ALDH3A1: variants seen among roughly 807,000 people sequenced by gnomAD.
ALDH3A1 encodes the protein aldehyde dehydrogenase 3 family member A1.
In ALDH3A1, 46 loss-of-function variants were observed where a neutral mutation model predicts 49.9. The ratio of observed to expected loss-of-function variants is 0.92; its 90% CI spans 0.73 to 1.18. The LOEUF (loss-of-function observed/expected upper bound fraction) is 1.18, where lower values mean the gene tolerates loss of function less well. Among genes scored for constraint, ALDH3A1 ranks in the 50% most tolerant of loss-of-function variants. The pLI is 0.00. For missense variants in ALDH3A1, 592 were observed against 611.8 expected (o/e 0.97, Z 0.34); for synonymous variants, 269 against 253.3 (o/e 1.06, Z -0.59).
chr17:19,742,070 G>A lies in ALDH3A1; in HGVS notation c.623C>T (p.Thr208Met), dbSNP rs545679214. ...TAAAKHLTPV[T>M]LELGGKSPCY... ...GGGACTCTTCCCTCCCAGCTCCAGCGTGACAGGGGTCAGGTGCTTGGCAGC... is the reference window on the plus strand; with the variant it reads ...GGGACTCTTCCCTCCCAGCTCCAGCATGACAGGGGTCAGGTGCTTGGCAGC... Residue 208 changes from threonine (T) to methionine (M), a missense_variant, in exon 5 of 11, where the codon ACG becomes ATG. Coordinates refer to ENST00000225740, the MANE Select transcript of ALDH3A1 (RefSeq NM_000691.5). 1.4e-5 allele frequency: 22 copies of A among 1,614,022 alleles called. No individual in the cohort carries two copies. Among genetic ancestry groups the A allele is most frequent in the Admixed American group, 3.3e-5 (2 of 60,022 alleles).
rs1256677234 is a variant in ALDH3A1 at position 19,742,207 on chromosome 17, C to A, written c.486G>T (p.Leu162=). 6.2e-7 allele frequency: 1 copy of A among 1,613,878 alleles called. No homozygotes were observed. The highest frequency in any genetic ancestry group is 2.2e-5 in the East Asian group (1 of 44,868). The change falls in exon 5 of 11, where the codon CTG becomes CTT. Residue 162 remains leucine (L), a synonymous_variant. Transcript: ENST00000225740. The stretch of plus-strand genomic sequence containing the variant: ...GGACACCCCCATTGATTACTGGGTA[C>A]AGATCCTTCCATGCAAGGAGAGAGG... The part of the protein sequence containing the change: ...TIIPQYLDKD[L]YPVINGGVPE...
In ALDH3A1 at chr17:19,737,997, A is replaced by G. The variant is rs2152372484; in HGVS notation, c.*224T>C. 2.0e-6 allele frequency: 3 copies of G among 1,469,840 alleles called. No individual in the cohort carries two copies. The East Asian group carries it at 7.5e-5, about 37-fold the overall frequency. The allele number at this position is 1,469,840 out of a possible 1,614,324, so 91.0% of individuals were successfully genotyped here. A position where few individuals can be genotyped will look rare whatever the true frequency, so the allele number is the denominator to read the frequency against. ...CATATGCCTGCATTTGCTGAGTTAG[A>G]AAATTGTATTCGTCTCTTTATTGGT... On this transcript the variant is annotated 3_prime_UTR_variant, in exon 11 of 11. Transcript: ENST00000225740.
At chr17:19,744,735 G>C (rs2086565157) in intron 2 of ALDH3A1, 2 of 1,357,128 alleles carry the variant, frequency 1.5e-6, no homozygotes, top group African/African-American at 3.1e-5. Context: ...GGGACGCTGC[G>C]GGCGGGACGC....
At chr17:19,739,433 A>G (rs1425994798) in intron 8 of ALDH3A1, 75 bp downstream of exon 8, 1 of 1,502,374 alleles carries the variant, frequency 6.7e-7, no homozygotes, top group East Asian at 2.4e-5. Flanking sequence ...GCCAGAGAAC[A>G]GTGAAGCTGC....
chr17:19,739,119 C>T (rs372701645), intron 8 of ALDH3A1, 24 bp from the exon 9 acceptor site: 140 of 1,600,902 alleles, frequency 8.7e-5, no homozygotes, highest in Non-Finnish European at 1.1e-4. Context: ...CAGCCACTGG[C>T]CTCAGTCTCC....
intron 7 of ALDH3A1, 46 bp from the exon 8 acceptor site, chr17:19,739,720 C>A (rs377491348): frequency 6.3e-7 from 1 of 1,599,700 alleles, no homozygotes; most frequent in Non-Finnish European, 8.5e-7. Context: ...GAGACCCCCA[C>A]GCGGATGGAA....
chr17:19,745,111 C>CCT lies in ALDH3A1; in HGVS notation c.17_18dup (p.Ala7ArgfsTer3). The CCT allele has an allele frequency of 6.3e-7, 1 of 1,583,382 alleles. No individual in the cohort carries two copies. Among genetic ancestry groups the CCT allele is most frequent in the South Asian group, 1.1e-5 (1 of 89,844 alleles). On this transcript the variant is annotated frameshift_variant, in exon 2 of 11. Transcript: ENST00000225740. LOFTEE classifies it high-confidence loss of function. ...AAGGCGGCGCGGGCGCGCTTCACGG[C>CCT]CTCGCTGATCTTGCTCATGGCGCCT... is the stretch of plus-strand genomic sequence containing the variant.
chr17:19,739,001 C>A lies in ALDH3A1; in HGVS notation c.1211G>T (p.Gly404Val). The stretch of plus-strand genomic sequence containing the variant: ...AAGCTCAGCCCCAGACTCACCCACG[C>A]CCCCGAAGGGCAGAGAGTGCAAGGT... ...HITLHSLPFG[G>V]VGNSGMGSYH... The change falls in exon 9 of 11, where the codon GGC becomes GTC. Residue 404 changes from glycine to valine, a missense_variant. By Grantham distance (109) the Gly-to-Val change is moderately radical. Transcript: ENST00000225740. 1 of 1,613,094 alleles carries A rather than the reference C, an allele frequency of 6.2e-7. No homozygotes were observed. Among genetic ancestry groups the A allele is most frequent in the Non-Finnish European group, 8.5e-7 (1 of 1,179,830 alleles).
chr17:19,743,608 G>A lies in ALDH3A1; in HGVS notation c.163-145C>T, dbSNP rs1218915587. ...GGGGCAGCCGCAGAAGGCTCCCAGG[G>A]GAAGCAGAGCCAGGATTAGCCGTTG... On this transcript the variant is annotated intron_variant, in intron 2 of 10. Transcript: ENST00000225740. The surrounding 1 kb of genome is among the most constrained non-coding windows in gnomAD (Gnocchi z 4.4). 5.6e-6 allele frequency: 8 copies of A among 1,440,576 alleles called. No homozygotes were observed. The highest frequency in any genetic ancestry group is 1.5e-5 in the South Asian group (1 of 68,438). 89.2% of individuals were successfully genotyped at this position (1,440,576 alleles called of 1,614,324 possible).
At chr17:19,742,767 A>C (rs1409396912) in intron 3 of ALDH3A1, 137 bp from the exon 4 acceptor site, 1 of 1,544,252 alleles carries the variant, frequency 6.5e-7, no homozygotes, top group South Asian at 1.2e-5. Flanking sequence ...GCAAACAAGC[A>C]CATGTCACGG....
chr17:19,745,730 T>TG (rs2086587212), intron 1 of ALDH3A1: 1 of 151,970 alleles, frequency 6.6e-6, no homozygotes, highest in African/African-American at 2.4e-5. Context: ...CACAAAGAGG[T>TG]GTGGAGGCGA....
At chr17:19,745,399 C>T (rs999220597) in intron 1 of ALDH3A1, 6 of 457,258 alleles carry the variant, frequency 1.3e-5, no homozygotes, top group African/African-American at 6.2e-5. Context: ...CTCTTGGCAG[C>T]GTGCTCGCGG....
At chr17:19,746,700 C>G (rs1035106395) in intron 1 of ALDH3A1, among the ~76,000 whole-genome samples, 1 of 144,504 alleles carries the variant, frequency 6.9e-6, no homozygotes, top group Admixed American at 6.9e-5. Context: ...TGTGTGCGTG[C>G]GTGTGTGTGC....
rs766341383 is a variant in ALDH3A1, at chr17:19,743,410, C to T, written c.216G>A (p.Glu72=). 2.5e-6 allele frequency: 4 copies of T among 1,614,008 alleles called. No individual in the cohort carries two copies. The highest frequency in any genetic ancestry group is 1.7e-6 in the Non-Finnish European group (2 of 1,179,970). The stretch of plus-strand genomic sequence containing the variant: ...ACTCAGGGAGCTTCTGGATCATGTA[C>T]TCGATCTCCTCTAGGACGTACACCA... ...EEVVYVLEEI[E]YMIQKLPEWA... Residue 72 remains glutamate, a synonymous_variant, in exon 3 of 11, where the codon GAG becomes GAA. Coordinates refer to ENST00000225740, the MANE Select transcript of ALDH3A1 (RefSeq NM_000691.5). This position sits in a 1 kb window ranked among gnomAD's most constrained non-coding sequence, Gnocchi z 4.4.
chr17:19,745,155 C>G, intron 1 of ALDH3A1, 21 bp from the exon 2 acceptor site: 1 of 1,549,294 alleles, frequency 6.5e-7, no homozygotes, highest in Non-Finnish European at 8.7e-7. Flanking sequence ...AGAGCACCTG[C>G]AGCTGGCTGA....
Position 19,743,814 on chromosome 17 carries a change from G to T in ALDH3A1, c.163-351C>A. 4.5e-6 allele frequency: 2 copies of T among 440,626 alleles called. No individual in the cohort carries two copies. The highest frequency in any genetic ancestry group is 1.2e-3 in the Middle Eastern group (1 of 826). The allele number at this position is 440,626 out of a possible 1,614,324, so 27.3% of individuals were successfully genotyped here. A position where few individuals can be genotyped will look rare whatever the true frequency, so the allele number is the denominator to read the frequency against. Reference sequence around the variant, plus strand: ...GTGGGAATGGATCCGGGGAGGGGGGGATGGATCCGGGGAGGGGGGATAGAT... The same window carrying T: ...GTGGGAATGGATCCGGGGAGGGGGGTATGGATCCGGGGAGGGGGGATAGAT... On this transcript the variant is annotated intron_variant, in intron 2 of 10. Transcript: ENST00000225740. This position sits in a 1 kb window ranked among gnomAD's most constrained non-coding sequence, Gnocchi z 4.4.
intron 1 of ALDH3A1, among the ~76,000 whole-genome samples, chr17:19,745,967 C>A (rs866227321): frequency 6.6e-6 from 1 of 152,198 alleles, no homozygotes; most frequent in African/African-American, 2.4e-5. Flanking sequence ...TTAAATGACT[C>A]CTGTCACACC....
Position 19,742,604 on chromosome 17 carries a change from C to A in ALDH3A1, c.421G>T (p.Glu141Ter), listed in dbSNP as rs766865186. 6.2e-7 allele frequency: 1 copy of A among 1,614,042 alleles called. No homozygotes were observed. Among genetic ancestry groups the A allele is most frequent in the South Asian group, 1.1e-5 (1 of 91,078 alleles). Residue 141 changes from glutamate (E) to a stop codon, truncating the protein, a stop_gained, in exon 4 of 11, where the codon GAG becomes TAG. Coordinates refer to ENST00000225740, the MANE Select transcript of ALDH3A1 (RefSeq NM_000691.5). LOFTEE classifies it high-confidence loss of function. ...AGGCTCGCCATGTTCTCACTCAGCT[C>A]CGAGGGCTTGAGGACCACTGAGTTC... The part of the protein sequence containing the change: ...AGNSVVLKPS[E>*]LSENMASLLA...
chr17:19,744,867 C>T, intron 2 of ALDH3A1, 101 bp downstream of exon 2: 1 of 1,385,278 alleles, frequency 7.2e-7, no homozygotes, highest in Non-Finnish European at 9.4e-7. Context: ...GGCCCCAAGT[C>T]CTTCCTGAAC....
Sources: allele counts gnomAD v4.1 joint callset (sites outside exome capture counted in the v4.1 genomes callset), GRCh38; gene constraint gnomAD v4.1.1; non-coding constraint Gnocchi (gnomAD v3.1); transcripts MANE v1.5; gene names NCBI Gene and HGNC (gene_info 2026-07-23, HGNC 2026-07-21).